GUF1: variants seen among roughly 807,000 people sequenced by gnomAD.
The protein encoded by GUF1 is GTP binding elongation factor GUF1, also known as translation factor GUF1, mitochondrial.
GUF1 carries 78 observed loss-of-function variants against 82.4 expected under a neutral mutation model. The observed-to-expected ratio is 0.95, with a 90% CI of 0.79 to 1.14. GUF1 has a LOEUF of 1.14. Ranked by LOEUF, GUF1 falls within the 50% of genes most tolerant of loss-of-function variation. The pLI, the probability that GUF1 is intolerant of heterozygous loss-of-function variation, is 0.00. For synonymous variants in GUF1, 279 were observed against 282.3 expected, an observed-to-expected ratio of 0.99 and a Z score of 0.12; for missense variants, 814 against 798.2, an observed-to-expected ratio of 1.02 and a Z score of -0.24.
rs1452301086 is a variant in GUF1 at position 44,694,583 on chromosome 4, G to C, written c.1715+70G>C. On this transcript the variant is annotated intron_variant, in intron 14 of 16. Coordinates refer to ENST00000281543, the MANE Select transcript of GUF1 (RefSeq NM_021927.3). The stretch of plus-strand genomic sequence containing the variant: ...ATATGTTTTTCATTTATTTTTGTTT[G>C]AGCAGCTGCATTTAAAAAACTTCTA... 5.1e-6 allele frequency: 5 copies of C among 973,098 alleles called. No individual in the cohort carries two copies. The African/African-American group carries it at 8.2e-5, about 16-fold the overall frequency. The allele number at this position is 973,098 out of a possible 1,614,324, so 60.3% of individuals were successfully genotyped here.
chr4:44,694,745 A>G lies in GUF1; in HGVS notation c.1715+232A>G, dbSNP rs1715681788. ...TCATAGAAATGTTTCCCTTCACCATATTAAAAAAAGTTTTAAACATTTTAT... is the reference window on the plus strand; with the variant it reads ...TCATAGAAATGTTTCCCTTCACCATGTTAAAAAAAGTTTTAAACATTTTAT... On this transcript the variant is annotated intron_variant, in intron 14 of 16. Transcript: ENST00000281543. Among the ~76,000 whole-genome samples, 4 of 152,098 alleles carry G rather than the reference A, an allele frequency of 2.6e-5. No individual in the cohort carries two copies. The South Asian group carries it at 8.3e-4, about 32-fold the overall frequency.
chr4:44,691,136 G>A (rs4472171), intron 12 of GUF1, among the ~76,000 whole-genome samples: 2,618 of 151,516 alleles, frequency 0.017, 79 homozygotes, highest in African/African-American at 0.057. Context: ...GTATAATTTC[G>A]CCTTTTTGAG....
intron 11 of GUF1, among the ~76,000 whole-genome samples, 159 bp downstream of exon 11, chr4:44,690,134 A>G (rs1715341102): frequency 7.4e-6 from 1 of 135,072 alleles, no homozygotes; most frequent in African/African-American, 2.5e-5. Context: ...TAAACATTGA[A>G]TTACCCTATG....
At position 44,689,879 on chromosome 4, in the gene GUF1, C is replaced by T. The variant is rs1560345429; in HGVS notation, c.1239C>T (p.Phe413=). The change falls in exon 11 of 17, where the codon TTC becomes TTT. Residue 413 remains phenylalanine, a synonymous_variant. Transcript: ENST00000281543. ...TTGGACTTTTGCACATGGAAGTTTT[C>T]AACCAGCGACTGGAGCAAGAATATA... ...GFLGLLHMEV[F]NQRLEQEYNA... The T allele has an allele frequency of 6.2e-7, 1 of 1,604,764 alleles. No individual in the cohort carries two copies. Among genetic ancestry groups the T allele is most frequent in the African/African-American group, 1.3e-5 (1 of 74,466 alleles).
At position 44,698,743 on chromosome 4, in the gene GUF1, TA is replaced by T; in HGVS notation, c.*63del. 3 of 1,462,368 alleles carry T rather than the reference TA, an allele frequency of 2.1e-6. No homozygotes were observed. Among genetic ancestry groups the T allele is most frequent in the Non-Finnish European group, 2.8e-6 (3 of 1,080,056 alleles). The allele number at this position is 1,462,368 out of a possible 1,614,324, so 90.6% of individuals were successfully genotyped here. On this transcript the variant is annotated 3_prime_UTR_variant, in exon 17 of 17. Coordinates refer to ENST00000281543, the MANE Select transcript of GUF1 (RefSeq NM_021927.3). ...AATATGCTGACAACAGAAAGAAAATTATAAAATTTGCTTGTTACTTTCAGGG... is the reference window on the plus strand; with the variant it reads ...AATATGCTGACAACAGAAAGAAAATTTAAAATTTGCTTGTTACTTTCAGGG...
In GUF1 at chr4:44,680,517, A is replaced by G. The variant is rs1439101772; in HGVS notation, c.242A>G (p.Lys81Arg). Residue 81 changes from lysine to arginine, a missense_variant, in exon 2 of 17, where the codon AAA becomes AGA. Transcript: ENST00000281543. ...ATTGTTGCACACGTGGATCATGGCAAAAGTACTTTAGCTGACAGGCTCCTA... is the reference window on the plus strand; with the variant it reads ...ATTGTTGCACACGTGGATCATGGCAGAAGTACTTTAGCTGACAGGCTCCTA... ...FSIVAHVDHG[K>R]STLADRLLEL... is the part of the protein sequence containing the mutation. 1.2e-6 allele frequency: 2 copies of G among 1,609,740 alleles called. No homozygotes were observed. Among genetic ancestry groups the G allele is most frequent in the South Asian group, 2.2e-5 (2 of 90,306 alleles).
intron 1 of GUF1, among the ~76,000 whole-genome samples, chr4:44,680,228 G>T (rs1040972639): frequency 6.6e-6 from 1 of 152,190 alleles, no homozygotes. Context: ...AAGGGATTAT[G>T]ATTTAGCTGT....
chr4:44,686,386 T>C, intron 7 of GUF1, 124 bp from the exon 8 acceptor site: 1 of 532,770 alleles, frequency 1.9e-6, no homozygotes, highest in Non-Finnish European at 3.2e-6. Context: ...AAGGTCTTTT[T>C]ATTTAGGCTG....
intron 8 of GUF1, 83 bp from the exon 9 acceptor site, chr4:44,687,924 T>C: frequency 7.9e-7 from 1 of 1,261,240 alleles, no homozygotes; most frequent in Non-Finnish European, 1.1e-6. Flanking sequence ...GTATGATAGT[T>C]TCCTGGGAAG....
At chr4:44,689,207 C>T (rs1391292952) in intron 9 of GUF1, 79 bp from the exon 10 acceptor site, 5 of 1,263,410 alleles carry the variant, frequency 4.0e-6, no homozygotes, top group Non-Finnish European at 5.1e-6. Flanking sequence ...TAATTTGGAA[C>T]TTGGCAGCAC....
At position 44,680,537 on chromosome 4, in the gene GUF1, C is replaced by A; in HGVS notation, c.262C>A (p.Leu88Ile). The part of the protein sequence containing the change: ...DHGKSTLADR[L>I]LELTGTIDKT... ...TGGCAAAAGTACTTTAGCTGACAGG[C>A]TCCTAGAACTTACAGGTATTTCATT... The change falls in exon 2 of 17, where the codon CTC (leucine) becomes ATC (isoleucine). Residue 88 changes from leucine to isoleucine, a missense_variant. Leu to Ile is a conservative substitution (Grantham distance 5). Coordinates refer to ENST00000281543, the MANE Select transcript of GUF1 (RefSeq NM_021927.3). The A allele has an allele frequency of 1.9e-6, 3 of 1,600,480 alleles. No individual in the cohort carries two copies. Among genetic ancestry groups the A allele is most frequent in the Non-Finnish European group, 1.7e-6 (2 of 1,170,904 alleles).
At chr4:44,681,518 T>C (rs548272455) in intron 4 of GUF1, among the ~76,000 whole-genome samples, 2 of 152,232 alleles carry the variant, frequency 1.3e-5, no homozygotes, top group East Asian at 3.9e-4. Flanking sequence ...AATCTGAGGT[T>C]TCTATATCCA....
At chr4:44,694,683 AAAT>A (rs1475025291) in intron 14 of GUF1, among the ~76,000 whole-genome samples, 170 bp downstream of exon 14, 2 of 152,176 alleles carry the variant, frequency 1.3e-5, no homozygotes, top group African/African-American at 4.8e-5. Flanking sequence ...AGACTGCTAA[AAAT>A]AGAACAGAGC....
Position 44,678,577 on chromosome 4 carries a change from C to T in GUF1, c.-46C>T. On this transcript the variant is annotated 5_prime_UTR_variant, in exon 1 of 17. Coordinates refer to ENST00000281543, the MANE Select transcript of GUF1 (RefSeq NM_021927.3). ...CTTCGAAAAAAAACGGGCTATGCTGCTGTTGCGTGTGGGTACCCTCTCCTG... is the reference window on the plus strand; with the variant it reads ...CTTCGAAAAAAAACGGGCTATGCTGTTGTTGCGTGTGGGTACCCTCTCCTG... The T allele has an allele frequency of 3.5e-6, 5 of 1,415,324 alleles. No individual in the cohort carries two copies. Among genetic ancestry groups the T allele is most frequent in the African/African-American group, 1.5e-5 (1 of 66,670 alleles). The allele number at this position is 1,415,324 out of a possible 1,614,324, so 87.7% of individuals were successfully genotyped here.
rs547780494 is a variant in GUF1, at chr4:44,682,862, A to G, written c.586-373A>G. Among the ~76,000 whole-genome samples the G allele has an allele frequency of 2.6e-5, 4 of 152,192 alleles. No homozygotes were observed. In the South Asian group the frequency reaches 8.3e-4, roughly 32 times the overall value. On this transcript the variant is annotated intron_variant, in intron 5 of 16. Transcript: ENST00000281543. ...TGCATTGCTTTAATTATATTTCTTG[A>G]TAATGGAGTTAAGTTTAAAAGAAGG...
intron 1 of GUF1, 24 bp from the exon 2 acceptor site, chr4:44,680,417 A>G (rs1051165982): frequency 1.7e-6 from 2 of 1,150,464 alleles, no homozygotes; most frequent in African/African-American, 3.0e-5. Context: ...TTATACTCCT[A>G]AATGTGGTAT....
rs533419716 is a variant in GUF1 at position 44,689,894 on chromosome 4, G to C, written c.1254G>C (p.Glu418Asp). The C allele has an allele frequency of 2.9e-5, 46 of 1,606,272 alleles. No individual in the cohort carries two copies. The South Asian group carries it at 4.7e-4, about 16-fold the overall frequency. Residue 418 changes from glutamate (E) to aspartate (D), a missense_variant, in exon 11 of 17, where the codon GAG becomes GAC. Physicochemically the swap from Glu to Asp is conservative, Grantham distance 45. Transcript: ENST00000281543. ...LHMEVFNQRL[E>D]QEYNASVILT... ...TGGAAGTTTTCAACCAGCGACTGGAGCAAGAATATAATGCTTCTGTTATTT... is the reference window on the plus strand; with the variant it reads ...TGGAAGTTTTCAACCAGCGACTGGACCAAGAATATAATGCTTCTGTTATTT...
At chr4:44,686,211 G>A (rs1220789551) in intron 7 of GUF1, among the ~76,000 whole-genome samples, 188 bp downstream of exon 7, 1 of 151,940 alleles carries the variant, frequency 6.6e-6, no homozygotes, top group African/African-American at 2.4e-5. Context: ...GTACAGTAAA[G>A]TAAAAGAAAA....
intron 15 of GUF1, among the ~76,000 whole-genome samples, chr4:44,696,055 T>G (rs1422758533): frequency 2.0e-5 from 3 of 151,318 alleles, no homozygotes; most frequent in Non-Finnish European, 2.9e-5. Context: ...TTTAGGTAGA[T>G]TATAGATTAA....
Sources: gnomAD v4.1 joint callset for allele counts (sites outside exome capture counted in the v4.1 genomes callset) on GRCh38, gnomAD v4.1.1 for gene constraint, MANE v1.5 for transcripts, NCBI Gene and HGNC (gene_info 2026-07-23, HGNC 2026-07-21) for gene names.